EP300: variants seen among roughly 807,000 people sequenced by gnomAD.
EP300 encodes EP300 lysine acetyltransferase.
A neutral mutation model predicts 264.0 loss-of-function variants in EP300; 31 were observed. That is an observed-to-expected ratio of 0.12 (90% CI 0.09 to 0.16). The LOEUF (loss-of-function observed/expected upper bound fraction) is 0.16. Among genes scored for constraint, EP300 ranks in the 10% least tolerant of loss-of-function variants. The probability of loss-of-function intolerance (pLI) is 1.00; values close to 1 mark genes in which losing one functional copy is unlikely to be tolerated. For synonymous variants in EP300, 1,340 were observed against 1,045.4 expected (o/e 1.28, Z -5.44); for missense variants, 2,766 against 3,052.9 (o/e 0.91, Z 2.21).
rs941288117 is a variant in EP300, at chr22:41,177,865, C to G, written c.6154C>G (p.Gln2052Glu). The G allele has an allele frequency of 1.1e-5, 18 of 1,614,188 alleles. No homozygotes were observed. Among genetic ancestry groups the G allele is most frequent in the Non-Finnish European group, 1.5e-5 (18 of 1,180,024 alleles). ...AGGCACTGTGTCTCAACAAGCCTTA[C>G]AAAACCTTTTGCGGACTCTCAGGTC... is the stretch of plus-strand genomic sequence containing the variant. The part of the protein sequence containing the change: ...KPGTVSQQAL[Q>E]NLLRTLRSPS... The change falls in exon 31 of 31, where the codon CAA becomes GAA. Residue 2052 changes from glutamine (Q) to glutamate (E), a missense_variant. Physicochemically the swap from Gln to Glu is conservative, Grantham distance 29. Coordinates refer to ENST00000263253, the MANE Select transcript of EP300 (RefSeq NM_001429.4).
At chr22:41,152,800 C>G (rs1341266417) in intron 16 of EP300, among the ~76,000 whole-genome samples, 1 of 151,326 alleles carries the variant, frequency 6.6e-6, no homozygotes, top group African/African-American at 2.4e-5. Context: ...TTTTGTTGTT[C>G]AGGCTGGAGT....
Position 41,164,041 on chromosome 22 carries a change from C to G in EP300, c.3729-12C>G, listed in dbSNP as rs2059122126. On this transcript the variant is annotated splice_polypyrimidine_tract_variant and intron_variant, in intron 21 of 30. Transcript: ENST00000263253. ...TTTGGGGTTAATTTTGGAATTGGCT[C>G]TGCTCTTCCAGGTTTGTTGAATGTA... is the stretch of plus-strand genomic sequence containing the variant. 6.2e-7 allele frequency: 1 copy of G among 1,613,738 alleles called. No individual in the cohort carries two copies. Among genetic ancestry groups the G allele is most frequent in the South Asian group, 1.1e-5 (1 of 91,070 alleles).
chr22:41,131,490 G>C lies in EP300; in HGVS notation c.1385G>C (p.Ser462Thr). ...AGCACTGTTAGTCAGATTGATCCCA[G>C]CTCCATAGAAAGAGCCTATGCAGCT... ...NLSTVSQIDP[S>T]SIERAYAALG... Residue 462 changes from serine (S) to threonine (T), a missense_variant, in exon 6 of 31, where the codon AGC becomes ACC. Transcript: ENST00000263253. The C allele has an allele frequency of 2.5e-6, 4 of 1,614,046 alleles. No individual in the cohort carries two copies. Among genetic ancestry groups the C allele is most frequent in the Middle Eastern group, 1.6e-4 (1 of 6,062 alleles).
chr22:41,167,696 C>T (rs772375826), intron 23 of EP300, among the ~76,000 whole-genome samples: 1 of 140,906 alleles, frequency 7.1e-6, no homozygotes, highest in Non-Finnish European at 1.5e-5. Flanking sequence ...GTTGTCCAGG[C>T]TGATCTTGAA....
intron 13 of EP300, 144 bp from the exon 14 acceptor site, chr22:41,149,616 TA>T (rs2059031490): frequency 1.1e-6 from 1 of 870,250 alleles, no homozygotes; most frequent in African/African-American, 1.7e-5. Context: ...TGCCCAGTAA[TA>T]GGGTATTTTA....
Position 41,131,479 on chromosome 22 carries a change from G to A in EP300, c.1374G>A (p.Gln458=). The A allele has an allele frequency of 6.2e-7, 1 of 1,614,124 alleles. No individual in the cohort carries two copies. The highest frequency in any genetic ancestry group is 8.5e-7 in the Non-Finnish European group (1 of 1,180,022). ...CCCCCAACCTAAGCACTGTTAGTCA[G>A]ATTGATCCCAGCTCCATAGAAAGAG... ...QSAPNLSTVS[Q]IDPSSIERAY... The change falls in exon 6 of 31, where the codon CAG becomes CAA. Residue 458 remains glutamine (Q), a synonymous_variant. Transcript: ENST00000263253.
In EP300 at chr22:41,110,303, T is replaced by A. The variant is rs1473132795; in HGVS notation, c.95-6884T>A. Among the ~76,000 whole-genome samples the A allele has an allele frequency of 1.3e-3, 141 of 108,044 alleles. 2 individuals carry two copies. Among genetic ancestry groups the A allele is most frequent in the African/African-American group, 4.8e-3 (129 of 26,816 alleles). The allele number at this position is 108,044 out of a possible 152,430, so 70.9% of individuals were successfully genotyped here. A position where few individuals can be genotyped will look rare whatever the true frequency, so the allele number is the denominator to read the frequency against. On this transcript the variant is annotated intron_variant, in intron 1 of 30. Transcript: ENST00000263253. ...GCTAATTTTTTTTTTTTTTTTTTTT[T>A]TTTTTTTTTTTTTTTTTGAGACAAA...
rs1315325415 is a variant in EP300 at position 41,149,193 on chromosome 22, A to G, written c.2379+18A>G. On this transcript the variant is annotated intron_variant, in intron 13 of 30. Transcript: ENST00000263253. ...TGTCTCAAGTATGTCTCATAAGTGG[A>G]TTTTTCACTTATTTTTGATTCTTGA... The G allele has an allele frequency of 6.2e-7, 1 of 1,613,846 alleles. No homozygotes were observed. Among genetic ancestry groups the G allele is most frequent in the Admixed American group, 1.7e-5 (1 of 59,976 alleles).
Position 41,150,103 on chromosome 22 carries a change from G to A in EP300, c.2722G>A (p.Asp908Asn). ...TTCACTTCCTGCTGCACCTTCTGCT[G>A]ACCAGCCCCAGCAGCAGCCTCGCTC... ...QPSLPAAPSA[D>N]QPQQQPRSQQ... Residue 908 changes from aspartate (D) to asparagine (N), a missense_variant, in exon 14 of 31, where the codon GAC becomes AAC. Transcript: ENST00000263253. 1 of 1,613,398 alleles carries A rather than the reference G, an allele frequency of 6.2e-7. No individual in the cohort carries two copies. The highest frequency in any genetic ancestry group is 8.5e-7 in the Non-Finnish European group (1 of 1,180,028).
At chr22:41,107,375 G>C (rs2058763426) in intron 1 of EP300, among the ~76,000 whole-genome samples, 1 of 150,832 alleles carries the variant, frequency 6.6e-6, no homozygotes, top group Non-Finnish European at 1.5e-5. Flanking sequence ...TTTACCTAAA[G>C]TACAAAGGTA....
chr22:41,167,840 T>TTTTTTTTTTTTG (rs2059148694), intron 23 of EP300, among the ~76,000 whole-genome samples: 1 of 99,230 alleles, frequency 1.0e-5, no homozygotes, highest in Non-Finnish European at 2.1e-5. Flanking sequence ...TTTTTTTTTT[T>TTTTTTTTTTTTG]TTTTTTTTTT....
intron 14 of EP300, among the ~76,000 whole-genome samples, chr22:41,151,410 C>G (rs1008035286): frequency 3.9e-5 from 6 of 152,194 alleles, no homozygotes; most frequent in African/African-American, 1.4e-4. Flanking sequence ...AACAGCCACT[C>G]TCTGGGACAT....
In EP300 at chr22:41,155,024, C is replaced by T. The variant is rs2145744660; in HGVS notation, c.3172C>T (p.Leu1058=). The T allele has an allele frequency of 6.2e-7, 1 of 1,613,904 alleles. No homozygotes were observed. Among genetic ancestry groups the T allele is most frequent in the Non-Finnish European group, 8.5e-7 (1 of 1,179,854 alleles). Residue 1058 remains leucine, a synonymous_variant, in exon 17 of 31, where the codon CTG becomes TTG. Transcript: ENST00000263253. ...IFKPEELRQA[L]MPTLEALYRQ... Reference sequence around the variant, plus strand: ...CAAACCAGAAGAACTACGACAGGCACTGATGCCAACTTTGGAGGCACTTTA... The same window carrying T: ...CAAACCAGAAGAACTACGACAGGCATTGATGCCAACTTTGGAGGCACTTTA...
rs770293450 is a variant in EP300, at chr22:41,178,414, C to A, written c.6703C>A (p.Gln2235Lys). The change falls in exon 31 of 31, where the codon CAA becomes AAA. Residue 2235 changes from glutamine (Q) to lysine (K), a missense_variant. Coordinates refer to ENST00000263253, the MANE Select transcript of EP300 (RefSeq NM_001429.4). ...QRMQHHMQQMQQGNMGQIGQL... is the reference protein window; with the variant it reads ...QRMQHHMQQMKQGNMGQIGQL... ...GATGCAGCATCACATGCAACAGATG[C>A]AACAAGGAAATATGGGACAGATAGG... 17 of 1,613,994 alleles carry A rather than the reference C, an allele frequency of 1.1e-5. No individual in the cohort carries two copies. Among genetic ancestry groups the A allele is most frequent in the South Asian group, 2.2e-5 (2 of 91,090 alleles).
At chr22:41,120,321 A>G (rs2058845263) in intron 2 of EP300, among the ~76,000 whole-genome samples, 1 of 152,148 alleles carries the variant, frequency 6.6e-6, no homozygotes, top group Non-Finnish European at 1.5e-5. Flanking sequence ...ATCTCTACCA[A>G]AAACAAAAAA....
rs541998432 is a variant in EP300 at position 41,176,637 on chromosome 22, C to T, written c.5061+109C>T. 53 of 1,607,568 alleles carry T rather than the reference C, an allele frequency of 3.3e-5. No individual in the cohort carries two copies. The African/African-American group carries it at 4.7e-4, about 14-fold the overall frequency. The stretch of plus-strand genomic sequence containing the variant: ...CTGTGGGATGCTAGGGGCTTGGCCT[C>T]GTGTTTGAGGGGCAGAGCTGAAGAG... On this transcript the variant is annotated intron_variant, in intron 30 of 30. Coordinates refer to ENST00000263253, the MANE Select transcript of EP300 (RefSeq NM_001429.4).
intron 10 of EP300, among the ~76,000 whole-genome samples, chr22:41,142,244 A>G (rs904191597): frequency 6.6e-6 from 1 of 152,202 alleles, no homozygotes; most frequent in African/African-American, 2.4e-5. Flanking sequence ...AAGAAGTGCC[A>G]ACTGAGCCAG....
rs2058881483 is a variant in EP300, at chr22:41,126,209, C to T, written c.906+169C>T. On this transcript the variant is annotated intron_variant, in intron 3 of 30. Coordinates refer to ENST00000263253, the MANE Select transcript of EP300 (RefSeq NM_001429.4). ...GGAGGCTTGTGCTTCCTTTCCATTT[C>T]TCTGTTTTTTTTGTTCCATGTGGTT... The T allele has an allele frequency of 2.5e-5, 17 of 684,560 alleles. No homozygotes were observed. In the South Asian group the frequency reaches 3.1e-4, roughly 13 times the overall value. The allele number at this position is 684,560 out of a possible 1,614,324, so 42.4% of individuals were successfully genotyped here.
At chr22:41,123,610 CAG>C (rs986612699) in intron 2 of EP300, among the ~76,000 whole-genome samples, 2 of 152,154 alleles carry the variant, frequency 1.3e-5, no homozygotes, top group African/African-American at 4.8e-5. Flanking sequence ...TCTTAGCAGA[CAG>C]AAATCTGGTA....
Sources: gnomAD v4.1 joint callset for allele counts (sites outside exome capture counted in the v4.1 genomes callset) on GRCh38, gnomAD v4.1.1 for gene constraint, MANE v1.5 for transcripts, NCBI Gene and HGNC (gene_info 2026-07-23, HGNC 2026-07-21) for gene names.